Variants in TENM2 observed in about 807,000 individuals in gnomAD.
TENM2 encodes the protein teneurin-2.
A neutral mutation model predicts 245.2 loss-of-function variants in TENM2; 52 were observed. The observed-to-expected ratio is 0.21, with a 90% CI of 0.17 to 0.27. The LOEUF (loss-of-function observed/expected upper bound fraction) is 0.27. Ranked by LOEUF, TENM2 falls within the 10% of genes least tolerant of loss-of-function variation. TENM2 has a pLI of 1.00. For missense variants in TENM2, 3,046 were observed against 3,666.8 expected (o/e 0.83, Z 4.37); for synonymous variants, 1,363 against 1,438.9 (o/e 0.95, Z 1.19).
intron 9 of TENM2, among the ~76,000 whole-genome samples, chr5:168,099,307 T>C (rs908331162): frequency 1.3e-5 from 2 of 152,108 alleles, no homozygotes; most frequent in African/African-American, 2.4e-5. Flanking sequence ...GGCAGTTGAG[T>C]GCACTTGCTG....
chr5:167,397,271 T>G (rs11739794), intron 2 of TENM2, among the ~76,000 whole-genome samples: 1,533 of 151,650 alleles, frequency 0.01, 14 homozygotes, highest in Non-Finnish European at 0.016. Flanking sequence ...GAAAGGAAAA[T>G]AGAAAGGCAA....
At chr5:167,502,798 GA>G (rs1769293879) in intron 2 of TENM2, among the ~76,000 whole-genome samples, 1 of 152,158 alleles carries the variant, frequency 6.6e-6, no homozygotes, top group East Asian at 1.9e-4. Context: ...GATTCATGCT[GA>G]AAATGCATAT....
chr5:167,027,211 T>G, the TENM2 span, among the ~76,000 whole-genome samples: 7 of 152,190 alleles, frequency 4.6e-5, no homozygotes, highest in Admixed American at 2.0e-4. Context: ...GGATGTAAAT[T>G]ACTAAGGAAT....
the TENM2 span, among the ~76,000 whole-genome samples, chr5:167,265,099 G>A: frequency 3.3e-5 from 5 of 151,804 alleles, no homozygotes; most frequent in African/African-American, 7.3e-5. Context: ...AGACCGAGGC[G>A]AGTGGATCAT....
intron 12 of TENM2, among the ~76,000 whole-genome samples, chr5:168,127,636 A>C (rs1158601811): frequency 6.6e-6 from 1 of 152,088 alleles, no homozygotes; most frequent in Non-Finnish European, 1.5e-5. Context: ...TTAGGGTAGG[A>C]CTATACTGGA....
chr5:167,931,566 A>C (rs1391461503), intron 3 of TENM2, among the ~76,000 whole-genome samples: 3 of 151,866 alleles, frequency 2.0e-5, no homozygotes, highest in Non-Finnish European at 4.4e-5. Context: ...AAAAAAAAAA[A>C]AAAAACAAGA....
chr5:167,824,136 C>T (rs1207183897), intron 2 of TENM2, among the ~76,000 whole-genome samples: 1 of 152,208 alleles, frequency 6.6e-6, no homozygotes, highest in Non-Finnish European at 1.5e-5. Context: ...TCATGACCAC[C>T]ATCCTAACCC....
At chr5:167,312,880 T>C (rs1752180667) in intron 1 of TENM2, among the ~76,000 whole-genome samples, 1 of 149,910 alleles carries the variant, frequency 6.7e-6, no homozygotes. Context: ...AGGATAGCCC[T>C]GCCCTCATGA....
the TENM2 span, among the ~76,000 whole-genome samples, chr5:167,278,037 C>T: frequency 6.6e-6 from 1 of 152,020 alleles, no homozygotes; most frequent in Non-Finnish European, 1.5e-5. Context: ...AGCATGGTGG[C>T]TCATGCCTGT....
intron 2 of TENM2, among the ~76,000 whole-genome samples, chr5:167,850,603 T>C (rs1770486770): frequency 6.6e-6 from 1 of 152,146 alleles, no homozygotes; most frequent in East Asian, 1.9e-4. Flanking sequence ...ACCCCAGAGA[T>C]GATGTAGCCC....
At chr5:168,036,068 G>GT (rs1400029036) in intron 5 of TENM2, among the ~76,000 whole-genome samples, 2 of 152,154 alleles carry the variant, frequency 1.3e-5, no homozygotes, top group African/African-American at 2.4e-5. Flanking sequence ...CCAGGCCAGT[G>GT]TTAAGGGAGA....
At chr5:167,208,384 G>A in the TENM2 span, among the ~76,000 whole-genome samples, 1 of 152,234 alleles carries the variant, frequency 6.6e-6, no homozygotes, top group Non-Finnish European at 1.5e-5. Context: ...AGAGTGAAAG[G>A]CTCTGAGGTT....
the TENM2 span, among the ~76,000 whole-genome samples, chr5:167,137,236 A>T: frequency 2.0e-5 from 3 of 152,114 alleles, no homozygotes; most frequent in Admixed American, 2.0e-4. Context: ...TGGGGAAGCA[A>T]TTCAGTCTCT....
chr5:167,809,720 G>A lies in TENM2; in HGVS notation c.503-66266G>A, dbSNP rs1398661182. Among the ~76,000 whole-genome samples the A allele has an allele frequency of 3.3e-5, 5 of 152,074 alleles. 1 individual carries two copies. Among genetic ancestry groups the A allele is most frequent in the African/African-American group, 1.2e-4 (5 of 41,414 alleles). On this transcript the variant is annotated intron_variant, in intron 2 of 28. Transcript: ENST00000518659. ...TGGCAAAATATGTCCTTGAGTGGAG[G>A]CAAAGTGTTAGGGGAAGATTTTGGG... is the stretch of plus-strand genomic sequence containing the variant.
chr5:168,025,503 C>T (rs1290872011), intron 5 of TENM2, among the ~76,000 whole-genome samples: 1 of 152,114 alleles, frequency 6.6e-6, no homozygotes, highest in Non-Finnish European at 1.5e-5. Flanking sequence ...ATAGCAAGAA[C>T]ACTTGGTATC....
At chr5:167,955,020 C>G (rs1780439812) in intron 4 of TENM2, among the ~76,000 whole-genome samples, 1 of 152,124 alleles carries the variant, frequency 6.6e-6, no homozygotes, top group African/African-American at 2.4e-5. Context: ...ATTTCTGGTT[C>G]TAGATCCTTG....
At chr5:167,264,518 T>C in the TENM2 span, among the ~76,000 whole-genome samples, 1 of 152,174 alleles carries the variant, frequency 6.6e-6, no homozygotes, top group Non-Finnish European at 1.5e-5. Context: ...CTGGGCTGTT[T>C]TCCCATGGAG....
chr5:167,825,854 G>T (rs1382034923), intron 2 of TENM2, among the ~76,000 whole-genome samples: 3 of 146,408 alleles, frequency 2.0e-5, no homozygotes, highest in African/African-American at 7.6e-5. Context: ...GGAGATAATG[G>T]TAATGATAAT....
rs1443652340 is a variant in TENM2 at position 168,218,818 on chromosome 5, A to G, written c.4927A>G (p.Ser1643Gly). Residue 1643 changes from serine (S) to glycine (G), a missense_variant, in exon 23 of 29, where the codon AGT becomes GGT. Transcript: ENST00000518659. The surrounding 1 kb of genome is among the most constrained non-coding windows in gnomAD (Gnocchi z 5.2). ...TTCCCTGAAGATCCGTCGGGACAGC[A>G]GTGGCATGCCCCGTCACCTGCTCAT... 2 of 1,613,914 alleles carry G rather than the reference A, an allele frequency of 1.2e-6. No homozygotes were observed. The highest frequency in any genetic ancestry group is 1.7e-6 in the Non-Finnish European group (2 of 1,179,906).
Sources: allele counts gnomAD v4.1 joint callset (sites outside exome capture counted in the v4.1 genomes callset), GRCh38; gene constraint gnomAD v4.1.1; non-coding constraint Gnocchi (gnomAD v3.1); transcripts MANE v1.5; gene names NCBI Gene and HGNC (gene_info 2026-07-23, HGNC 2026-07-21).